Variants in PLXDC2 observed in about 807,000 individuals in gnomAD.
PLXDC2 encodes the protein plexin domain containing 2.
Under a neutral mutation model 68.9 loss-of-function variants are expected in PLXDC2, and 40 were observed. The ratio of observed to expected loss-of-function variants is 0.58; its 90% CI spans 0.45 to 0.76. The LOEUF (loss-of-function observed/expected upper bound fraction) is 0.76, where lower values mean the gene tolerates loss of function less well. Ranked by LOEUF, PLXDC2 falls within the 30% of genes least tolerant of loss-of-function variation. The pLI, the probability that PLXDC2 is intolerant of heterozygous loss-of-function variation, is 0.00. For synonymous variants in PLXDC2, 243 were observed against 234.2 expected, an observed-to-expected ratio of 1.04 and a Z score of -0.34; for missense variants, 644 against 661.9, an observed-to-expected ratio of 0.97 and a Z score of 0.30.
chr10:20,181,062 A>T (rs1220044303), intron 9 of PLXDC2, among the ~76,000 whole-genome samples: 2 of 152,060 alleles, frequency 1.3e-5, no homozygotes, highest in Non-Finnish European at 2.9e-5. Context: ...AAGCAAATAG[A>T]TATATAGAAA....
chr10:19,958,350 A>G (rs1393994086), intron 1 of PLXDC2, among the ~76,000 whole-genome samples: 2 of 152,138 alleles, frequency 1.3e-5, no homozygotes, highest in Non-Finnish European at 2.9e-5. Flanking sequence ...TCCTTTCTGA[A>G]CTGAGAGAAA....
intron 9 of PLXDC2, among the ~76,000 whole-genome samples, chr10:20,202,684 A>T (rs1293882955): frequency 6.6e-6 from 1 of 152,188 alleles, no homozygotes; most frequent in South Asian, 2.1e-4. Context: ...TTGCGAGCAA[A>T]TCAGTCAAGT....
At chr10:20,242,808 C>G (rs982522908) in intron 12 of PLXDC2, among the ~76,000 whole-genome samples, 3 of 152,160 alleles carry the variant, frequency 2.0e-5, no homozygotes, top group Non-Finnish European at 4.4e-5. Flanking sequence ...CCTTCAGGTT[C>G]AAGCAATTCT....
chr10:20,131,880 A>G (rs1564327203), intron 4 of PLXDC2, among the ~76,000 whole-genome samples: 1 of 151,590 alleles, frequency 6.6e-6, no homozygotes, highest in Non-Finnish European at 1.5e-5. Context: ...TCTTTATTAT[A>G]TCCTTTCTTA....
Position 19,832,203 on chromosome 10 carries a change from A to G in PLXDC2, c.112+15012A>G, listed in dbSNP as rs139531882. On this transcript the variant is annotated intron_variant, in intron 1 of 13. Coordinates refer to ENST00000377252, the MANE Select transcript of PLXDC2 (RefSeq NM_032812.9). ...AAAACAAAACAAAAATAGTATAACT[A>G]TGCTTCAGACATAGCACCTAGCATG... Among the ~76,000 whole-genome samples, 770 of 152,372 alleles carry G rather than the reference A, an allele frequency of 5.1e-3. 4 individuals are homozygous for G. Among genetic ancestry groups the G allele is most frequent in the African/African-American group, 0.018 (728 of 41,594 alleles).
intron 1 of PLXDC2, among the ~76,000 whole-genome samples, chr10:19,966,455 G>GTGCACATATATAAAAAA (rs1834265118): frequency 1.8e-4 from 4 of 22,322 alleles, no homozygotes; most frequent in African/African-American, 4.4e-4. Flanking sequence ...AAACATGTGT[G>GTGCACATATATAAAAAA]TATATGTACA....
Position 20,274,868 on chromosome 10 carries a change from C to CAA in PLXDC2, c.1474-4822_1474-4821dup, listed in dbSNP as rs58738641. On this transcript the variant is annotated intron_variant, in intron 13 of 13. Coordinates refer to ENST00000377252, the MANE Select transcript of PLXDC2 (RefSeq NM_032812.9). ...ATGACACTCATGTGAATCAGAATTTCAAAAAAAAAAAAAAGCCATTAATTA... is the reference window on the plus strand; with the variant it reads ...ATGACACTCATGTGAATCAGAATTTCAAAAAAAAAAAAAAAAGCCATTAATTA... Among the ~76,000 whole-genome samples the CAA allele has an allele frequency of 3.2e-3, 352 of 109,580 alleles. 3 individuals carry two copies. Among genetic ancestry groups the CAA allele is most frequent in the African/African-American group, 0.011 (329 of 31,182 alleles). The allele number at this position is 109,580 out of a possible 152,430, so 71.9% of individuals were successfully genotyped here. A position where few individuals can be genotyped will look rare whatever the true frequency, so the allele number is the denominator to read the frequency against.
rs199763395 is a variant in PLXDC2, at chr10:20,018,700, AT to A, written c.324+16721del. The stretch of plus-strand genomic sequence containing the variant: ...AACAATGACATTTCTTCATGTAATC[AT>A]TTTTTTCTTCTTTTTTTTTAATACT... On this transcript the variant is annotated intron_variant, in intron 2 of 13. Coordinates refer to ENST00000377252, the MANE Select transcript of PLXDC2 (RefSeq NM_032812.9). Among the ~76,000 whole-genome samples, 580 of 152,130 alleles carry A rather than the reference AT, an allele frequency of 3.8e-3. 4 individuals carry two copies. Among genetic ancestry groups the A allele is most frequent in the African/African-American group, 0.014 (564 of 41,498 alleles).
intron 1 of PLXDC2, among the ~76,000 whole-genome samples, chr10:19,869,483 A>AGGGG (rs1837492156): frequency 4.8e-4 from 4 of 8,324 alleles, no homozygotes; most frequent in African/African-American, 5.0e-4. Context: ...GGGGGGGGAG[A>AGGGG]GGGTGGGAGG....
intron 6 of PLXDC2, among the ~76,000 whole-genome samples, chr10:20,157,126 C>CAA (rs1188269658): frequency 6.6e-6 from 1 of 152,178 alleles, no homozygotes; most frequent in Non-Finnish European, 1.5e-5. Context: ...CTGCTGATAA[C>CAA]ACTGAAGCCA....
rs1359328551 is a variant in PLXDC2 at position 20,119,859 on chromosome 10, G to A, written c.542-23436G>A. Among the ~76,000 whole-genome samples the A allele has an allele frequency of 3.5e-5, 5 of 144,840 alleles. 1 individual carries two copies. Among genetic ancestry groups the A allele is most frequent in the Non-Finnish European group, 7.4e-5 (5 of 67,310 alleles). On this transcript the variant is annotated intron_variant, in intron 4 of 13. Transcript: ENST00000377252. ...GAATTATTGGTGATGGCATGGATATGGTTTTGTATGAATTGAAAAACTAAA... is the reference window on the plus strand; with the variant it reads ...GAATTATTGGTGATGGCATGGATATAGTTTTGTATGAATTGAAAAACTAAA...
chr10:20,008,106 A>C (rs1400434565), intron 2 of PLXDC2, among the ~76,000 whole-genome samples: 1 of 152,128 alleles, frequency 6.6e-6, no homozygotes, highest in Non-Finnish European at 1.5e-5. Context: ...TTGGCATCTT[A>C]TTTTTACAAA....
chr10:20,221,779 A>T (rs994233687), intron 12 of PLXDC2, among the ~76,000 whole-genome samples: 1 of 152,226 alleles, frequency 6.6e-6, no homozygotes, highest in Non-Finnish European at 1.5e-5. Flanking sequence ...GTAATAATGA[A>T]TAAGTGTGCC....
chr10:19,949,664 T>G (rs1833962445), intron 1 of PLXDC2, among the ~76,000 whole-genome samples: 1 of 152,218 alleles, frequency 6.6e-6, no homozygotes, highest in Admixed American at 6.5e-5. Flanking sequence ...TACAAAATGT[T>G]AATTCATCTT....
intron 2 of PLXDC2, among the ~76,000 whole-genome samples, chr10:20,040,480 T>C (rs1835664043): frequency 1.3e-5 from 2 of 152,200 alleles, no homozygotes; most frequent in African/African-American, 2.4e-5. Flanking sequence ...TGAATACTCA[T>C]GACTCCTCCT....
Position 19,955,096 on chromosome 10 carries a change from T to TC in PLXDC2, c.113-46677dup, listed in dbSNP as rs869048066. Among the ~76,000 whole-genome samples the TC allele has an allele frequency of 1.6e-4, 24 of 149,140 alleles. No homozygotes were observed. The South Asian group carries it at 4.7e-3, about 29-fold the overall frequency. ...CTGATTTTTTTTTTTTTTTTTTTTTTCCTGAGACAGGGTCTTGTTCTGTTG... is the reference window on the plus strand; with the variant it reads ...CTGATTTTTTTTTTTTTTTTTTTTTTCCCTGAGACAGGGTCTTGTTCTGTTG... On this transcript the variant is annotated intron_variant, in intron 1 of 13. Transcript: ENST00000377252.
intron 12 of PLXDC2, among the ~76,000 whole-genome samples, chr10:20,223,415 C>T (rs1296798005): frequency 6.7e-6 from 1 of 148,996 alleles, no homozygotes; most frequent in East Asian, 2.0e-4. Context: ...TGGGTTCAAG[C>T]GATTCTCCTG....
In PLXDC2 at chr10:20,035,253, G is replaced by A. The variant is rs547548408; in HGVS notation, c.325-11616G>A. Among the ~76,000 whole-genome samples, 77 of 152,192 alleles carry A rather than the reference G, an allele frequency of 5.1e-4. No individual in the cohort carries two copies. In the Middle Eastern group the frequency reaches 0.01, roughly 20 times the overall value. On this transcript the variant is annotated intron_variant, in intron 2 of 13. Transcript: ENST00000377252. ...ACCTCCTAGAAAAATTCCATTTACA[G>A]CTGATTAATTGCTTGTTAATCACTT...
At chr10:20,090,792 A>G (rs917570683) in intron 4 of PLXDC2, among the ~76,000 whole-genome samples, 1 of 152,224 alleles carries the variant, frequency 6.6e-6, no homozygotes, top group Non-Finnish European at 1.5e-5. Context: ...TAATTACCCC[A>G]CAAAATATAT....
Sources: gnomAD v4.1 joint callset for allele counts (sites outside exome capture counted in the v4.1 genomes callset) on GRCh38, gnomAD v4.1.1 for gene constraint, MANE v1.5 for transcripts, NCBI Gene and HGNC (gene_info 2026-07-23, HGNC 2026-07-21) for gene names.